ADD3: variants seen among roughly 807,000 people sequenced by gnomAD.
ADD3 encodes gamma-adducin.
A neutral mutation model predicts 80.2 loss-of-function variants in ADD3; 25 were observed. The ratio of observed to expected loss-of-function variants is 0.31; its 90% CI spans 0.23 to 0.44. ADD3 has a LOEUF of 0.44. Among genes scored for constraint, ADD3 ranks in the 20% least tolerant of loss-of-function variants. The pLI, the probability that ADD3 is intolerant of heterozygous loss-of-function variation, is 1.00. For missense variants in ADD3, 829 were observed against 847.5 expected (o/e 0.98, Z 0.27); for synonymous variants, 284 against 289.6 (o/e 0.98, Z 0.20).
chr10:110,133,152 C>A (rs576101307), intron 14 of ADD3, among the ~76,000 whole-genome samples, 174 bp from the exon 15 acceptor site: 2 of 152,174 alleles, frequency 1.3e-5, no homozygotes, highest in African/African-American at 4.8e-5. Flanking sequence ...CCCTTTATAT[C>A]ATTAAAGAAA....
intron 1 of ADD3, among the ~76,000 whole-genome samples, chr10:110,093,700 T>C (rs944785138): frequency 2.6e-5 from 4 of 152,198 alleles, no homozygotes; most frequent in Admixed American, 6.6e-5. Context: ...TATTATACCA[T>C]TTATCTGCCT....
chr10:110,135,460 A>G lies in ADD3; in HGVS notation c.*1842A>G, dbSNP rs992756802. The G allele has an allele frequency of 5.2e-5, 8 of 152,670 alleles. No homozygotes were observed. The highest frequency in any genetic ancestry group is 1.3e-4 in the Admixed American group (2 of 15,286). The allele number at this position is 152,670 out of a possible 1,614,324, so 9.5% of individuals were successfully genotyped here. Reference sequence around the variant, plus strand: ...TTGCTTTGGCATAAAGAATGAGCCAATGAACCTCTGTGTCCTGTGGAAAAA... The same window carrying G: ...TTGCTTTGGCATAAAGAATGAGCCAGTGAACCTCTGTGTCCTGTGGAAAAA... On this transcript the variant is annotated 3_prime_UTR_variant, in exon 15 of 15. Coordinates refer to ENST00000356080, the MANE Select transcript of ADD3 (RefSeq NM_016824.5).
At chr10:110,046,287 A>T (rs1564887181) in intron 1 of ADD3, among the ~76,000 whole-genome samples, 1 of 152,162 alleles carries the variant, frequency 6.6e-6, no homozygotes, top group Non-Finnish European at 1.5e-5. Flanking sequence ...AGTATTTTCT[A>T]TAGCTTGCTT....
intron 1 of ADD3, among the ~76,000 whole-genome samples, chr10:110,010,918 T>C (rs748522718): frequency 4.6e-5 from 7 of 152,238 alleles, no homozygotes; most frequent in Non-Finnish European, 5.9e-5. Flanking sequence ...CTGGTATTAA[T>C]ACCACCAAGT....
intron 1 of ADD3, among the ~76,000 whole-genome samples, chr10:110,025,396 G>A (rs1167385289): frequency 6.6e-6 from 1 of 151,992 alleles, no homozygotes; most frequent in Admixed American, 6.6e-5. Context: ...TCTTCAGAGT[G>A]GTGGTAGCCA....
At chr10:110,042,167 C>T (rs1027620136) in intron 1 of ADD3, among the ~76,000 whole-genome samples, 1 of 152,122 alleles carries the variant, frequency 6.6e-6, no homozygotes, top group South Asian at 2.1e-4. Context: ...TTTTTAAATA[C>T]TGTTGTTTGA....
rs768762356 is a variant in ADD3, at chr10:110,117,397, T to G, written c.542T>G (p.Phe181Cys). ...HIIIIPRGLS[F>C]SEATASNLVK... ...ATAATAATTCCCAGAGGCCTATCTT[T>G]TTCTGAAGCTACAGCCTCCAATTTG... Residue 181 changes from phenylalanine to cysteine, a missense_variant, in exon 5 of 15, where the codon TTT (phenylalanine) becomes TGT (cysteine). Physicochemically the swap from Phe to Cys is radical, Grantham distance 205. Transcript: ENST00000356080. 1 of 1,605,808 alleles carries G rather than the reference T, an allele frequency of 6.2e-7. No homozygotes were observed. The highest frequency in any genetic ancestry group is 1.1e-5 in the South Asian group (1 of 90,854).
intron 8 of ADD3, among the ~76,000 whole-genome samples, chr10:110,120,542 A>C (rs531205179): frequency 3.3e-5 from 5 of 152,244 alleles, no homozygotes; most frequent in Middle Eastern, 3.4e-3. Context: ...ATACGTGTGC[A>C]TGTGTCTTTA....
At chr10:110,063,777 ATAT>A (rs1843559673) in intron 1 of ADD3, among the ~76,000 whole-genome samples, 1 of 105,740 alleles carries the variant, frequency 9.5e-6, no homozygotes, top group Non-Finnish European at 1.9e-5. Context: ...ATATATATAT[ATAT>A]ATAAAGTGAA....
chr10:110,036,239 A>G (rs981347403), intron 1 of ADD3, among the ~76,000 whole-genome samples: 1 of 152,156 alleles, frequency 6.6e-6, no homozygotes, highest in African/African-American at 2.4e-5. Context: ...TTTCATCTAT[A>G]GTGAGGCAGC....
Position 110,013,176 on chromosome 10 carries a change from C to A in ADD3, c.-30+4877C>A, listed in dbSNP as rs182911092. The stretch of plus-strand genomic sequence containing the variant: ...GGAGGGCAGTGGTGTGACCTCGGCA[C>A]ACTGCAACCTCTGCCTTCTGGGTTC... On this transcript the variant is annotated intron_variant, in intron 1 of 14. Transcript: ENST00000356080. 7.6e-4 allele frequency among the ~76,000 whole-genome samples: 115 copies of A among 152,310 alleles called. 3 individuals are homozygous for A. In the East Asian group the frequency reaches 0.018, roughly 24 times the overall value.
At chr10:110,011,333 C>G (rs181657165) in intron 1 of ADD3, among the ~76,000 whole-genome samples, 51 of 152,316 alleles carry the variant, frequency 3.3e-4, no homozygotes, top group Non-Finnish European at 5.7e-4. Context: ...ATTCACATTC[C>G]TCAAGGAACT....
upstream of ADD3, among the ~76,000 whole-genome samples, chr10:110,007,651 A>G (rs1213528273): frequency 1.3e-5 from 2 of 152,060 alleles, no homozygotes; most frequent in Non-Finnish European, 2.9e-5. Context: ...GCCGCCCCGA[A>G]CCAGGCCCTC....
intron 1 of ADD3, among the ~76,000 whole-genome samples, chr10:110,084,371 T>G (rs1411362084): frequency 6.6e-6 from 1 of 152,200 alleles, no homozygotes; most frequent in African/African-American, 2.4e-5. Flanking sequence ...TTTTTAGAGA[T>G]AAAAGTTAAC....
At chr10:110,031,705 C>T (rs1218284527) in intron 1 of ADD3, among the ~76,000 whole-genome samples, 1 of 151,240 alleles carries the variant, frequency 6.6e-6, no homozygotes, top group African/African-American at 2.4e-5. Context: ...CTATCTGGTA[C>T]CTAGTGAGTG....
chr10:110,039,109 C>T (rs7920065), intron 1 of ADD3, among the ~76,000 whole-genome samples: 19,032 of 152,170 alleles, frequency 0.13, 3,799 homozygotes, highest in African/African-American at 0.42. Context: ...ATTGTAACGA[C>T]TTATATTTAA....
intron 3 of ADD3, among the ~76,000 whole-genome samples, chr10:110,115,080 TAA>T (rs752916695): frequency 1.3e-3 from 109 of 84,884 alleles, no homozygotes; most frequent in East Asian, 8.4e-3. Flanking sequence ...CCCCTGCCTC[TAA>T]AAAAAAAAAA....
chr10:110,100,156 G>A (rs1326610051), intron 1 of ADD3, among the ~76,000 whole-genome samples: 1 of 152,064 alleles, frequency 6.6e-6, no homozygotes, highest in South Asian at 2.1e-4. Context: ...AGACCAGCAT[G>A]GTCAATATGG....
intron 3 of ADD3, among the ~76,000 whole-genome samples, chr10:110,113,839 T>A (rs1448518708): frequency 2.0e-5 from 3 of 152,214 alleles, no homozygotes; most frequent in African/African-American, 7.2e-5. Flanking sequence ...TCCATTTGCA[T>A]TGCCAAGACA....
Sources: gnomAD v4.1 joint callset for allele counts (sites outside exome capture counted in the v4.1 genomes callset) on GRCh38, gnomAD v4.1.1 for gene constraint, MANE v1.5 for transcripts, NCBI Gene and HGNC (gene_info 2026-07-23, HGNC 2026-07-21) for gene names.